The following PPP2R2A variants were observed in gnomAD, a reference collection of about 807,000 sequenced individuals.
The protein encoded by PPP2R2A is serine/threonine-protein phosphatase 2A 55 kDa regulatory subunit B alpha isoform.
PPP2R2A carries 9 observed loss-of-function variants against 53.2 expected under a neutral mutation model. That is an observed-to-expected ratio of 0.17 (90% CI 0.10 to 0.30). The LOEUF is 0.30. Among genes scored for constraint, PPP2R2A ranks in the 10% least tolerant of loss-of-function variants. The pLI, the probability that PPP2R2A is intolerant of heterozygous loss-of-function variation, is 1.00. For missense variants in PPP2R2A, 235 were observed against 534.6 expected, an observed-to-expected ratio of 0.44 and a Z score of 5.53; for synonymous variants, 169 against 174.2, an observed-to-expected ratio of 0.97 and a Z score of 0.23.
At chr8:26,317,958 A>G (rs771942592) in intron 2 of PPP2R2A, among the ~76,000 whole-genome samples, 1 of 152,210 alleles carries the variant, frequency 6.6e-6, no homozygotes, top group African/African-American at 2.4e-5. Flanking sequence ...GAGAAGGGCA[A>G]GTAGCTACCT....
At chr8:26,293,876 A>G (rs1801419873) in intron 2 of PPP2R2A, 136 bp downstream of exon 2, 1 of 761,282 alleles carries the variant, frequency 1.3e-6, no homozygotes, top group East Asian at 2.7e-5. Flanking sequence ...AACAGTTTTA[A>G]AAGATACCTT....
At chr8:26,323,999 C>T (rs1340953293) in intron 2 of PPP2R2A, among the ~76,000 whole-genome samples, 1 of 152,232 alleles carries the variant, frequency 6.6e-6, no homozygotes, top group Non-Finnish European at 1.5e-5. Context: ...CATGTTAGGA[C>T]AAGTCCACTG....
chr8:26,319,772 A>G (rs1329231615), intron 2 of PPP2R2A, among the ~76,000 whole-genome samples: 1 of 152,176 alleles, frequency 6.6e-6, no homozygotes, highest in South Asian at 2.1e-4. Flanking sequence ...TTTGTTAGGA[A>G]TTAAATCTTC....
At chr8:26,348,160 A>T (rs950938240) in intron 3 of PPP2R2A, among the ~76,000 whole-genome samples, 1 of 152,110 alleles carries the variant, frequency 6.6e-6, no homozygotes, top group Non-Finnish European at 1.5e-5. Flanking sequence ...GTAGGGTTCT[A>T]TTTGGAGGCT....
At chr8:26,301,747 G>A (rs1801800638) in intron 2 of PPP2R2A, among the ~76,000 whole-genome samples, 1 of 152,174 alleles carries the variant, frequency 6.6e-6, no homozygotes, top group Admixed American at 6.5e-5. Flanking sequence ...GGCAACCCCT[G>A]AACTCATTCC....
In PPP2R2A at chr8:26,362,704, G is replaced by T. The variant is rs1805173405; in HGVS notation, c.658G>T (p.Ala220Ser). 4 of 1,613,962 alleles carry T rather than the reference G, an allele frequency of 2.5e-6. No homozygotes were observed. Among genetic ancestry groups the T allele is most frequent in the African/African-American group, 2.7e-5 (2 of 74,984 alleles). Reference sequence around the variant, plus strand: ...TCTAGACATTGTGGATATCAAGCCTGCCAATATGGAAGAGCTAACAGAGGT... The same window carrying T: ...TCTAGACATTGTGGATATCAAGCCTTCCAATATGGAAGAGCTAACAGAGGT... Reference protein sequence around the residue: ...RSFNIVDIKPANMEELTEVIT... With the variant: ...RSFNIVDIKPSNMEELTEVIT... The change falls in exon 7 of 10, where the codon GCC becomes TCC. Residue 220 changes from alanine to serine, a missense_variant. By Grantham distance (99) the Ala-to-Ser change is moderately conservative. Around this residue, in one of 3 missense-constraint regions of PPP2R2A, gnomAD observed 181 missense variants for 409.9 expected, o/e 0.44. Transcript: ENST00000380737. The surrounding 1 kb of genome is among the most constrained non-coding windows in gnomAD (Gnocchi z 4.4).
intron 2 of PPP2R2A, among the ~76,000 whole-genome samples, chr8:26,314,513 T>G (rs1452707976): frequency 1.3e-5 from 2 of 152,320 alleles, no homozygotes; most frequent in South Asian, 2.1e-4. Flanking sequence ...CAGTATCCAG[T>G]GCTTTATGGG....
Position 26,339,018 on chromosome 8 carries a change from C to T in PPP2R2A, c.180+31C>T, listed in dbSNP as rs757876291. ...TGTTTAAAGTTTATTGTCTAAATTTCAGTTTGATCTTAGGACTAGAGCTTG... is the reference window on the plus strand; with the variant it reads ...TGTTTAAAGTTTATTGTCTAAATTTTAGTTTGATCTTAGGACTAGAGCTTG... On this transcript the variant is annotated intron_variant, in intron 3 of 9. Coordinates refer to ENST00000380737, the MANE Select transcript of PPP2R2A (RefSeq NM_002717.4). 3.3e-6 allele frequency: 5 copies of T among 1,507,664 alleles called. No individual in the cohort carries two copies. The Admixed American group carries it at 6.8e-5, about 21-fold the overall frequency. 93.4% of individuals were successfully genotyped at this position (1,507,664 alleles called of 1,614,324 possible).
At chr8:26,336,677 G>A (rs1271665529) in intron 2 of PPP2R2A, among the ~76,000 whole-genome samples, 1 of 151,904 alleles carries the variant, frequency 6.6e-6, no homozygotes, top group Non-Finnish European at 1.5e-5. Flanking sequence ...ACAAGCTCGA[G>A]ACTACCTTGA....
rs1356479034 is a variant in PPP2R2A at position 26,370,085 on chromosome 8, C to G, written c.1065-49C>G. On this transcript the variant is annotated intron_variant, in intron 9 of 9. Transcript: ENST00000380737. The surrounding 1 kb of genome is among the most constrained non-coding windows in gnomAD (Gnocchi z 6.1). ...ATTGCCGAATCATTTTACTTGAAAACAATTTCTTGTTCTGCTTGTTTGACT... is the reference window on the plus strand; with the variant it reads ...ATTGCCGAATCATTTTACTTGAAAAGAATTTCTTGTTCTGCTTGTTTGACT... The G allele has an allele frequency of 1.3e-6, 2 of 1,560,352 alleles. No individual in the cohort carries two copies. Among genetic ancestry groups the G allele is most frequent in the South Asian group, 1.2e-5 (1 of 85,886 alleles).
At chr8:26,294,928 C>G (rs1319188746) in intron 2 of PPP2R2A, among the ~76,000 whole-genome samples, 1 of 152,184 alleles carries the variant, frequency 6.6e-6, no homozygotes, top group Non-Finnish European at 1.5e-5. Context: ...ACAAAAGAGA[C>G]TGACTGATGG....
At chr8:26,332,610 CTG>C (rs750751384) in intron 2 of PPP2R2A, among the ~76,000 whole-genome samples, 10 of 152,084 alleles carry the variant, frequency 6.6e-5, no homozygotes, top group Non-Finnish European at 1.5e-4. Context: ...AATGCTTCAT[CTG>C]TAGGGATTAC....
At position 26,370,689 on chromosome 8, in the gene PPP2R2A, G is replaced by GT; in HGVS notation, c.*277dup. ...CTTGCCTAATGGACTAGATTGGACT[G>GT]TATCAACATTGATTTACTCCACTTT... On this transcript the variant is annotated 3_prime_UTR_variant, in exon 10 of 10. Coordinates refer to ENST00000380737, the MANE Select transcript of PPP2R2A (RefSeq NM_002717.4). This position sits in a 1 kb window ranked among gnomAD's most constrained non-coding sequence, Gnocchi z 6.1. 1 of 437,068 alleles carries GT rather than the reference G, an allele frequency of 2.3e-6. No individual in the cohort carries two copies. The highest frequency in any genetic ancestry group is 4.2e-6 in the Non-Finnish European group (1 of 238,374). The allele number at this position is 437,068 out of a possible 1,614,324, so 27.1% of individuals were successfully genotyped here. A position where few individuals can be genotyped will look rare whatever the true frequency, so the allele number is the denominator to read the frequency against.
At position 26,338,804 on chromosome 8, in the gene PPP2R2A, T is replaced by C. The variant is rs1327833649; in HGVS notation, c.83-86T>C. On this transcript the variant is annotated intron_variant, in intron 2 of 9. Coordinates refer to ENST00000380737, the MANE Select transcript of PPP2R2A (RefSeq NM_002717.4). The surrounding 1 kb of genome is among the most constrained non-coding windows in gnomAD (Gnocchi z 4.5). ...AAAGATATACTTCATAGACTTGGAA[T>C]GTTTGGGAAAACACGCTAAGTTCTG... 1 of 837,924 alleles carries C rather than the reference T, an allele frequency of 1.2e-6. No individual in the cohort carries two copies. Among genetic ancestry groups the C allele is most frequent in the Non-Finnish European group, 1.9e-6 (1 of 524,512 alleles). 51.9% of individuals were successfully genotyped at this position (837,924 alleles called of 1,614,324 possible). A position where few individuals can be genotyped will look rare whatever the true frequency, so the allele number is the denominator to read the frequency against.
intron 1 of PPP2R2A, chr8:26,292,430 A>C (rs1801342944): frequency 4.1e-6 from 4 of 985,504 alleles, no homozygotes; most frequent in Non-Finnish European, 4.8e-6. Context: ...CGAAGAGTGC[A>C]AGGCCTTTCA....
chr8:26,368,433 G>A (rs1005060678), intron 9 of PPP2R2A, among the ~76,000 whole-genome samples: 2 of 152,224 alleles, frequency 1.3e-5, no homozygotes, highest in African/African-American at 4.8e-5. Flanking sequence ...TTTTGTTTGT[G>A]AGGATACTTA....
chr8:26,336,882 G>GAAAAA (rs983154181), intron 2 of PPP2R2A, among the ~76,000 whole-genome samples: 6 of 144,354 alleles, frequency 4.2e-5, no homozygotes, highest in Admixed American at 6.9e-5. Context: ...ACTCTTTTAA[G>GAAAAA]AAAAAAAAAA....
chr8:26,330,416 C>T (rs955026088), intron 2 of PPP2R2A, among the ~76,000 whole-genome samples: 1 of 151,396 alleles, frequency 6.6e-6, no homozygotes, highest in Admixed American at 6.6e-5. Flanking sequence ...TCAAGCGATC[C>T]TCCCATGTTC....
At chr8:26,342,086 C>G (rs1423763660) in intron 3 of PPP2R2A, among the ~76,000 whole-genome samples, 2 of 152,144 alleles carry the variant, frequency 1.3e-5, no homozygotes, top group Non-Finnish European at 2.9e-5. Context: ...TTTTAGCTGT[C>G]ATTTAATAGC....
Sources: gnomAD v4.1 joint callset for allele counts (sites outside exome capture counted in the v4.1 genomes callset) on GRCh38, gnomAD v4.1.1 for gene constraint, gnomAD v4.1.1 regional missense constraint, Gnocchi (gnomAD v3.1) non-coding constraint, MANE v1.5 for transcripts, NCBI Gene and HGNC (gene_info 2026-07-23, HGNC 2026-07-21) for gene names.